Variants in TENM2 observed in about 807,000 individuals in gnomAD.
TENM2 encodes teneurin transmembrane protein 2.
TENM2 carries 52 observed loss-of-function variants against 245.2 expected under a neutral mutation model. The observed-to-expected ratio is 0.21, with a 90% confidence interval of 0.17 to 0.27. TENM2 has a LOEUF of 0.27. Among genes scored for constraint, TENM2 ranks in the 10% least tolerant of loss-of-function variants. The pLI is 1.00. For missense variants in TENM2, 3,046 were observed against 3,666.8 expected (o/e 0.83, Z 4.37); for synonymous variants, 1,363 against 1,438.9 (o/e 0.95, Z 1.19).
intron 3 of TENM2, among the ~76,000 whole-genome samples, chr5:167,928,216 C>T (rs1186312780): frequency 6.6e-6 from 1 of 152,136 alleles, no homozygotes; most frequent in Non-Finnish European, 1.5e-5. Context: ...CTTACCCTCT[C>T]TAGGAGCCCC....
chr5:167,869,681 A>G (rs1214405726), intron 2 of TENM2, among the ~76,000 whole-genome samples: 2 of 152,350 alleles, frequency 1.3e-5, no homozygotes, highest in South Asian at 2.1e-4. Context: ...GCCATGACCC[A>G]GTGCTCCCTC....
At chr5:168,253,580 C>T (rs572329205) in intron 27 of TENM2, among the ~76,000 whole-genome samples, 17 of 152,146 alleles carry the variant, frequency 1.1e-4, no homozygotes, top group South Asian at 2.1e-4. Flanking sequence ...CGCCCGCCAC[C>T]ACGCCCGGCT....
At chr5:167,296,670 C>G (rs528210873) in intron 1 of TENM2, 11 of 152,378 alleles carry the variant, frequency 7.2e-5, no homozygotes, top group African/African-American at 2.6e-4. Flanking sequence ...CAACAGCTGT[C>G]AAAAGACCCC....
rs766146516 is a variant in TENM2, at chr5:168,004,678, A to G, written c.1186+11496A>G. ...TTTGACTTTCAGGAAACCAACTTCTAGTCCTGCTTCCAAAGATTTAATCTT... is the reference window on the plus strand; with the variant it reads ...TTTGACTTTCAGGAAACCAACTTCTGGTCCTGCTTCCAAAGATTTAATCTT... On this transcript the variant is annotated intron_variant, in intron 5 of 28. Coordinates refer to ENST00000518659, the Ensembl canonical transcript of TENM2. 6.6e-5 allele frequency among the ~76,000 whole-genome samples: 10 copies of G among 152,172 alleles called. No homozygotes were observed. In the South Asian group the frequency reaches 1.9e-3, roughly 28 times the overall value.
chr5:167,351,152 A>ATT (rs1412084172), intron 1 of TENM2, among the ~76,000 whole-genome samples: 1 of 120,292 alleles, frequency 8.3e-6, no homozygotes, highest in African/African-American at 2.7e-5. Flanking sequence ...ATACATATGG[A>ATT]TTATATATAT....
At chr5:167,210,956 A>C in the TENM2 span, among the ~76,000 whole-genome samples, 1 of 152,168 alleles carries the variant, frequency 6.6e-6, no homozygotes, top group Non-Finnish European at 1.5e-5. Context: ...GTAATCCCAG[A>C]AGGGTAAATA....
At chr5:168,122,521 G>C (rs550633844) in intron 10 of TENM2, among the ~76,000 whole-genome samples, 1 of 152,082 alleles carries the variant, frequency 6.6e-6, no homozygotes, top group East Asian at 1.9e-4. Flanking sequence ...TCAAGTTTAC[G>C]TTCAGATGTG....
intron 1 of TENM2, among the ~76,000 whole-genome samples, chr5:167,311,284 G>T (rs563973207): frequency 6.6e-6 from 1 of 152,246 alleles, no homozygotes; most frequent in East Asian, 1.9e-4. Flanking sequence ...AAAGAATTTG[G>T]AAATAATAAG....
At chr5:167,479,926 T>C (rs1767653533) in intron 2 of TENM2, among the ~76,000 whole-genome samples, 1 of 152,224 alleles carries the variant, frequency 6.6e-6, no homozygotes, top group South Asian at 2.1e-4. Context: ...TTGAATGGTT[T>C]AAAATACAGA....
At chr5:167,527,108 C>G (rs757118026) in intron 2 of TENM2, among the ~76,000 whole-genome samples, 2 of 152,036 alleles carry the variant, frequency 1.3e-5, no homozygotes, top group African/African-American at 4.8e-5. Context: ...TCACCTATAT[C>G]GCCATGGAGG....
chr5:167,099,893 G>A, the TENM2 span, among the ~76,000 whole-genome samples: 1 of 152,142 alleles, frequency 6.6e-6, no homozygotes, highest in East Asian at 1.9e-4. Flanking sequence ...CACCTCAGAT[G>A]ACCACTGAAA....
chr5:167,971,945 A>G (rs975701120), intron 4 of TENM2, among the ~76,000 whole-genome samples: 3 of 152,238 alleles, frequency 2.0e-5, no homozygotes, highest in Non-Finnish European at 4.4e-5. Flanking sequence ...GCTGGAAGGC[A>G]GGCCTCTGGC....
chr5:168,248,284 G>A, exon 27 of TENM2: 1 of 1,613,994 alleles, frequency 6.2e-7, no homozygotes, highest in Non-Finnish European at 8.5e-7. Context: ...GAAAAACGTG[G>A]GCAAGGAGCC....
chr5:167,210,027 A>G, the TENM2 span, among the ~76,000 whole-genome samples: 1 of 152,244 alleles, frequency 6.6e-6, no homozygotes, highest in Admixed American at 6.5e-5. Context: ...TGAACAGTAC[A>G]GTGCTATAAA....
chr5:167,936,424 T>C (rs1365541346), intron 3 of TENM2, among the ~76,000 whole-genome samples: 1 of 152,160 alleles, frequency 6.6e-6, no homozygotes, highest in Non-Finnish European at 1.5e-5. Context: ...GTTGATTCCG[T>C]TTTTGTGTTT....
chr5:168,034,138 T>TAC (rs1266123780), intron 5 of TENM2, among the ~76,000 whole-genome samples: 2 of 101,066 alleles, frequency 2.0e-5, no homozygotes, highest in Non-Finnish European at 4.4e-5. Flanking sequence ...TATATATGTA[T>TAC]ACATATATAT....
At chr5:167,874,191 G>A (rs994339513) in intron 2 of TENM2, among the ~76,000 whole-genome samples, 9 of 152,218 alleles carry the variant, frequency 5.9e-5, no homozygotes, top group South Asian at 2.1e-4. Flanking sequence ...ATTACATGCC[G>A]CTATTCTGCT....
chr5:167,532,801 T>C (rs1771601555), intron 2 of TENM2, among the ~76,000 whole-genome samples: 1 of 125,560 alleles, frequency 8.0e-6, no homozygotes, highest in South Asian at 2.7e-4. Flanking sequence ...TACACATATA[T>C]ATTTGTGTGT....
At chr5:167,634,686 A>G (rs1351067423) in intron 2 of TENM2, among the ~76,000 whole-genome samples, 2 of 151,918 alleles carry the variant, frequency 1.3e-5, no homozygotes, top group Non-Finnish European at 2.9e-5. Context: ...CACGTACTTA[A>G]GCTTAAGCAA....
Sources: allele counts gnomAD v4.1 joint callset (sites outside exome capture counted in the v4.1 genomes callset), GRCh38; gene constraint gnomAD v4.1.1; transcripts MANE v1.5; gene names NCBI Gene and HGNC (gene_info 2026-07-23, HGNC 2026-07-21).